Variants in SCN11A observed in about 807,000 individuals in gnomAD.
SCN11A encodes the protein sodium channel protein type 11 subunit alpha.
In SCN11A, 122 loss-of-function variants were observed where a neutral mutation model predicts 162.2. The observed-to-expected ratio is 0.75, with a 90% CI of 0.65 to 0.87. The LOEUF (loss-of-function observed/expected upper bound fraction) is 0.87. Among genes scored for constraint, SCN11A ranks in the 40% least tolerant of loss-of-function variants. The pLI, the probability that SCN11A is intolerant of heterozygous loss-of-function variation, is 0.00. For synonymous variants in SCN11A, 758 were observed against 751.5 expected, an observed-to-expected ratio of 1.01 and a Z score of -0.14; for missense variants, 2,015 against 2,181.6, an observed-to-expected ratio of 0.92 and a Z score of 1.52.
chr3:38,852,964 G>A (rs1559486845), intron 28 of SCN11A, among the ~76,000 whole-genome samples: 1 of 152,236 alleles, frequency 6.6e-6, no homozygotes, highest in Non-Finnish European at 1.5e-5. Context: ...TGATTGGTGA[G>A]TTGTAGCTAC....
intron 3 of SCN11A, among the ~76,000 whole-genome samples, chr3:38,954,532 G>A (rs1300055181): frequency 2.6e-5 from 4 of 151,986 alleles, no homozygotes. Flanking sequence ...TTTTGCCTGG[G>A]TTCTTAAGAA....
intron 8 of SCN11A, among the ~76,000 whole-genome samples, chr3:38,926,077 A>T (rs2066136131): frequency 6.6e-6 from 1 of 152,242 alleles, no homozygotes; most frequent in Non-Finnish European, 1.5e-5. Flanking sequence ...TGCCTGGTAC[A>T]TATTGAATGA....
intron 10 of SCN11A, 88 bp from the exon 11 acceptor site, chr3:38,920,089 T>C (rs1415684555): frequency 2.0e-6 from 2 of 1,017,960 alleles, no homozygotes; most frequent in African/African-American, 3.2e-5. Flanking sequence ...TGCTTGAAAA[T>C]GGATGTTTCT....
chr3:39,029,966 A>G (rs2031706210), intron 2 of SCN11A, among the ~76,000 whole-genome samples: 1 of 152,178 alleles, frequency 6.6e-6, no homozygotes, highest in Non-Finnish European at 1.5e-5. Flanking sequence ...ACATTAGAGT[A>G]TATTTTGTTT....
At position 38,871,627 on chromosome 3, in the gene SCN11A, A is replaced by T. The variant is rs1402562630; in HGVS notation, c.3577T>A (p.Cys1193Ser). The change falls in exon 25 of 30, where the codon TGT becomes AGT. Residue 1193 changes from cysteine (C) to serine (S), a missense_variant. Transcript: ENST00000302328. ...GAAAAGAAGTATACTCCCAGAATACAAAATACGAGCCAGAAAATGAGGCAG... is the reference window on the plus strand; with the variant it reads ...GAAAAGAAGTATACTCCCAGAATACTAAATACGAGCCAGAAAATGAGGCAG... ...LVCLIFWLVF[C>S]ILGVYFFSGK... is the part of the protein sequence containing the mutation. The T allele has an allele frequency of 6.2e-7, 1 of 1,612,918 alleles. No individual in the cohort carries two copies. Among genetic ancestry groups the T allele is most frequent in the African/African-American group, 1.3e-5 (1 of 74,888 alleles).
chr3:39,036,570 C>T (rs2031909870), intron 1 of SCN11A, among the ~76,000 whole-genome samples: 1 of 152,058 alleles, frequency 6.6e-6, no homozygotes, highest in Non-Finnish European at 1.5e-5. Flanking sequence ...AGAGAGAATA[C>T]ATAGAACGGG....
chr3:38,867,509 A>C (rs1184317642), intron 26 of SCN11A, 51 bp from the exon 27 acceptor site: 2 of 1,439,152 alleles, frequency 1.4e-6, no homozygotes, highest in African/African-American at 2.8e-5. Flanking sequence ...GGAGAAAAAT[A>C]TAAGCATTCT....
chr3:39,044,523 C>T (rs751130047), intron 1 of SCN11A, among the ~76,000 whole-genome samples: 22 of 151,956 alleles, frequency 1.4e-4, no homozygotes, highest in Non-Finnish European at 2.8e-4. Context: ...ACAGAAACTT[C>T]GAAACTGTGC....
intron 28 of SCN11A, among the ~76,000 whole-genome samples, chr3:38,857,376 A>C (rs143189729): frequency 5.3e-4 from 80 of 152,244 alleles, no homozygotes; most frequent in African/African-American, 1.6e-3. Flanking sequence ...GGTAAGTTTC[A>C]ACAATAGACT....
chr3:38,919,181 TA>T (rs2066007662), intron 11 of SCN11A, among the ~76,000 whole-genome samples: 2 of 152,194 alleles, frequency 1.3e-5, no homozygotes, highest in Admixed American at 1.3e-4. Flanking sequence ...ATGCAACACA[TA>T]ACTGCATTTT....
intron 2 of SCN11A, among the ~76,000 whole-genome samples, chr3:39,007,143 T>C (rs2031002002): frequency 6.6e-6 from 1 of 152,094 alleles, no homozygotes; most frequent in Admixed American, 6.6e-5. Context: ...CCAAGACATA[T>C]CACTGGGAGA....
chr3:38,921,710 G>T (rs1400630986), intron 9 of SCN11A, among the ~76,000 whole-genome samples: 1 of 152,134 alleles, frequency 6.6e-6, no homozygotes, highest in East Asian at 1.9e-4. Context: ...GGGTATAGGG[G>T]ATGAAGGAGA....
rs577459507 is a variant in SCN11A, at chr3:38,850,856, G to A, written c.4057-105C>T. 3.8e-5 allele frequency: 36 copies of A among 940,262 alleles called. No homozygotes were observed. The South Asian group carries it at 5.9e-4, about 16-fold the overall frequency. 58.2% of individuals were successfully genotyped at this position (940,262 alleles called of 1,614,324 possible). A position where few individuals can be genotyped will look rare whatever the true frequency, so the allele number is the denominator to read the frequency against. On this transcript the variant is annotated intron_variant, in intron 28 of 29. Transcript: ENST00000302328. Reference sequence around the variant, plus strand: ...GAATTTGTTTTTCCTTACAATTAAAGCAGTTCCTTGAAAAATACACAGACC... The same window carrying A: ...GAATTTGTTTTTCCTTACAATTAAAACAGTTCCTTGAAAAATACACAGACC...
intron 7 of SCN11A, among the ~76,000 whole-genome samples, chr3:38,927,568 T>A (rs2066163861): frequency 6.6e-6 from 1 of 152,144 alleles, no homozygotes; most frequent in South Asian, 2.1e-4. Flanking sequence ...ATTACAAAGC[T>A]ACAGTAATCA....
chr3:38,884,219 T>G (rs560156831), intron 21 of SCN11A, among the ~76,000 whole-genome samples: 1 of 152,312 alleles, frequency 6.6e-6, no homozygotes, highest in Non-Finnish European at 1.5e-5. Context: ...AGACTACACT[T>G]TTTTCCTGGC....
intron 7 of SCN11A, among the ~76,000 whole-genome samples, chr3:38,944,055 A>C (rs2066479945): frequency 6.6e-6 from 1 of 152,232 alleles, no homozygotes; most frequent in Admixed American, 6.5e-5. Context: ...CAGTGTATGC[A>C]TGTATCAAAA....
chr3:38,871,968 A>G (rs144467654), intron 24 of SCN11A, among the ~76,000 whole-genome samples: 1 of 152,264 alleles, frequency 6.6e-6, no homozygotes, highest in East Asian at 1.9e-4. Context: ...CTACCCCAGG[A>G]TTCTGAGGCA....
intron 16 of SCN11A, among the ~76,000 whole-genome samples, chr3:38,902,994 T>C (rs1575270240): frequency 6.6e-6 from 1 of 152,360 alleles, no homozygotes; most frequent in Middle Eastern, 3.4e-3. Context: ...ATCATCTTTG[T>C]CAGCAGGTAC....
rs2031783477 is a variant in SCN11A, at chr3:39,032,403, G to A, written c.-303C>T. ...ACCGCTCCCCTCTGGTAAACAAGAT[G>A]CCAACTCTAGGGTACGGTGGAAAGA... On this transcript the variant is annotated 5_prime_UTR_variant, in exon 2 of 30. Transcript: ENST00000302328. Among the ~76,000 whole-genome samples the A allele has an allele frequency of 6.6e-6, 1 of 152,138 alleles. No homozygotes were observed. Among genetic ancestry groups the A allele is most frequent in the South Asian group, 2.1e-4 (1 of 4,828 alleles).
Sources: gnomAD v4.1 joint callset for allele counts (sites outside exome capture counted in the v4.1 genomes callset) on GRCh38, gnomAD v4.1.1 for gene constraint, MANE v1.5 for transcripts, NCBI Gene and HGNC (gene_info 2026-07-23, HGNC 2026-07-21) for gene names.